DPYD: variants seen among roughly 807,000 people sequenced by gnomAD.
DPYD encodes dihydropyrimidine dehydrogenase [NADP(+)].
A neutral mutation model predicts 116.2 loss-of-function variants in DPYD; 109 were observed. That is an observed-to-expected ratio of 0.94 (90% CI 0.80 to 1.10). The LOEUF (loss-of-function observed/expected upper bound fraction) is 1.10. Ranked by LOEUF, DPYD falls within the 50% of genes least tolerant of loss-of-function variation. The pLI, the probability that DPYD is intolerant of heterozygous loss-of-function variation, is 0.00. For missense variants in DPYD, 1,302 were observed against 1,254.5 expected (o/e 1.04, Z -0.57); for synonymous variants, 440 against 432.0 (o/e 1.02, Z -0.23).
chr1:97,841,484 C>G (rs1670032884), intron 2 of DPYD, among the ~76,000 whole-genome samples: 1 of 151,922 alleles, frequency 6.6e-6, no homozygotes, highest in South Asian at 2.1e-4. Context: ...GTATCTCTTA[C>G]TAGTGATTAT....
intron 11 of DPYD, among the ~76,000 whole-genome samples, chr1:97,555,013 G>A (rs1199135894): frequency 6.6e-6 from 1 of 151,442 alleles, no homozygotes; most frequent in Admixed American, 6.6e-5. Context: ...CCAATTTCTC[G>A]GTCATATACT....
chr1:97,670,599 G>T (rs1211108247), intron 8 of DPYD, among the ~76,000 whole-genome samples: 1 of 152,116 alleles, frequency 6.6e-6, no homozygotes, highest in Non-Finnish European at 1.5e-5. Flanking sequence ...GAAAATAAAT[G>T]TTTGTTATTG....
chr1:97,125,345 A>G (rs1239181305), intron 20 of DPYD, among the ~76,000 whole-genome samples: 1 of 152,126 alleles, frequency 6.6e-6, no homozygotes, highest in Non-Finnish European at 1.5e-5. Flanking sequence ...AAAAACAGAA[A>G]AAGTATTACA....
intron 3 of DPYD, among the ~76,000 whole-genome samples, chr1:97,801,329 T>C (rs191043872): frequency 1.3e-5 from 2 of 151,958 alleles, no homozygotes; most frequent in African/African-American, 4.8e-5. Flanking sequence ...TGTTCGTTGT[T>C]TAAGCGATCC....
At chr1:97,195,590 ATATATGTG>A (rs1252443298) in intron 19 of DPYD, among the ~76,000 whole-genome samples, 7,250 of 58,270 alleles carry the variant, frequency 0.12, 760 homozygotes, top group African/African-American at 0.24. Context: ...ATATATATAT[ATATATGTG>A]TGTGTGTGTA....
intron 20 of DPYD, among the ~76,000 whole-genome samples, chr1:97,173,164 A>ATGTG (rs1184706899): frequency 4.6e-5 from 7 of 151,820 alleles, no homozygotes; most frequent in East Asian, 2.0e-4. Flanking sequence ...ATGTACGTAT[A>ATGTG]TATGTACACA....
At chr1:97,229,203 C>CAA (rs34445661) in intron 19 of DPYD, among the ~76,000 whole-genome samples, 64 of 58,488 alleles carry the variant, frequency 1.1e-3, no homozygotes, top group South Asian at 2.4e-3. Context: ...GACTCCTTCT[C>CAA]AAAAAAAAAA....
intron 2 of DPYD, among the ~76,000 whole-genome samples, chr1:97,837,982 CTTA>C (rs1318890546): frequency 3.9e-5 from 6 of 151,942 alleles, no homozygotes; most frequent in Admixed American, 3.3e-4. Context: ...TTCTATATTT[CTTA>C]TTAAGTATAT....
chr1:97,902,772 C>T (rs1231361935), intron 1 of DPYD, among the ~76,000 whole-genome samples: 2 of 151,766 alleles, frequency 1.3e-5, no homozygotes, highest in East Asian at 3.9e-4. Context: ...GAATATTTTC[C>T]TAAAGGAGCA....
intron 16 of DPYD, among the ~76,000 whole-genome samples, chr1:97,351,900 C>T (rs1670165811): frequency 6.6e-6 from 1 of 152,092 alleles, no homozygotes; most frequent in Admixed American, 6.6e-5. Flanking sequence ...ATGTAACTCA[C>T]TTATATTTCA....
intron 19 of DPYD, among the ~76,000 whole-genome samples, chr1:97,211,186 T>A (rs573671176): frequency 6.6e-6 from 1 of 152,270 alleles, no homozygotes; most frequent in African/African-American, 2.4e-5. Context: ...CTTCAGTATG[T>A]CAAGCTTATT....
intron 20 of DPYD, among the ~76,000 whole-genome samples, chr1:97,156,662 GT>G (rs1173497979): frequency 3.3e-5 from 5 of 152,110 alleles, no homozygotes; most frequent in Non-Finnish European, 7.3e-5. Context: ...CTTTTACACT[GT>G]TGGTGGGACT....
chr1:97,832,837 A>G (rs1256958860), intron 2 of DPYD, among the ~76,000 whole-genome samples: 1 of 152,170 alleles, frequency 6.6e-6, no homozygotes, highest in Non-Finnish European at 1.5e-5. Context: ...GTAGAACACC[A>G]ACAGTCACAT....
chr1:97,723,851 T>C (rs978314265), intron 4 of DPYD, among the ~76,000 whole-genome samples: 4 of 151,606 alleles, frequency 2.6e-5, no homozygotes, highest in Non-Finnish European at 5.9e-5. Flanking sequence ...AGAATAAAGA[T>C]AGTAAAATCT....
intron 7 of DPYD, chr1:97,691,171 A>T (rs1182986509): frequency 2.6e-5 from 4 of 152,818 alleles, no homozygotes; most frequent in Non-Finnish European, 5.8e-5. Context: ...ACGATGTGTC[A>T]AATTTTCAAC....
At chr1:97,275,686 A>C (rs1167713918) in intron 18 of DPYD, among the ~76,000 whole-genome samples, 2 of 152,332 alleles carry the variant, frequency 1.3e-5, no homozygotes, top group South Asian at 2.1e-4. Context: ...TTTAGATTCT[A>C]GAAGAGGTGG....
intron 13 of DPYD, among the ~76,000 whole-genome samples, chr1:97,472,835 A>G (rs61789178): frequency 0.17 from 25,472 of 152,108 alleles, 2,245 homozygotes; most frequent in Non-Finnish European, 0.18. Flanking sequence ...TTCCAGCTTT[A>G]TTGAGGAATA....
At chr1:97,309,919 G>C (rs1047993788) in intron 16 of DPYD, among the ~76,000 whole-genome samples, 1 of 151,716 alleles carries the variant, frequency 6.6e-6, no homozygotes, top group African/African-American at 2.4e-5. Flanking sequence ...TTGAGACCCT[G>C]AAGATGACCT....
intron 20 of DPYD, among the ~76,000 whole-genome samples, chr1:97,173,193 T>C (rs1409517613): frequency 1.4e-5 from 2 of 147,466 alleles, no homozygotes; most frequent in African/African-American, 2.5e-5. Context: ...TATATATGTG[T>C]ATATATGTGT....
Sources: allele counts gnomAD v4.1 joint callset (sites outside exome capture counted in the v4.1 genomes callset), GRCh38; gene constraint gnomAD v4.1.1; transcripts MANE v1.5; gene names NCBI Gene and HGNC (gene_info 2026-07-23, HGNC 2026-07-21).